Variants in RBFOX1 observed in about 807,000 individuals in gnomAD.
The protein encoded by RBFOX1 is RNA binding protein fox-1 homolog 1.
Under a neutral mutation model 57.7 loss-of-function variants are expected in RBFOX1, and 8 were observed. That is an observed-to-expected ratio of 0.14 (90% CI 0.08 to 0.25). RBFOX1 has a LOEUF of 0.25. RBFOX1 is among the 10% of genes least tolerant of loss of function. RBFOX1 has a pLI of 1.00. For synonymous variants in RBFOX1, 326 were observed against 222.4 expected (o/e 1.47, Z -4.15); for missense variants, 611 against 548.5 (o/e 1.11, Z -1.14).
rs12051074 is a variant in RBFOX1, at chr16:7,472,233, C to T, written c.28-45914C>T. 6.7e-4 allele frequency among the ~76,000 whole-genome samples: 102 copies of T among 151,946 alleles called. No individual in the cohort carries two copies. In the East Asian group the frequency reaches 0.015, roughly 22 times the overall value. On this transcript the variant is annotated intron_variant, in intron 4 of 15. Coordinates refer to ENST00000550418, the MANE Select transcript of RBFOX1 (RefSeq NM_018723.4). ...ATAGACTTAGATGTATGTCATTATT[C>T]TCCTTTAGGATAAAAGGTGGCTAGG...
intron 4 of RBFOX1, among the ~76,000 whole-genome samples, chr16:7,319,812 C>T (rs2096512711): frequency 6.6e-6 from 1 of 152,082 alleles, no homozygotes; most frequent in Non-Finnish European, 1.5e-5. Context: ...CTCAAGTTGC[C>T]ATGAATGATG....
At chr16:6,221,431 T>C (rs1021675112) in intron 1 of RBFOX1, among the ~76,000 whole-genome samples, 1 of 152,230 alleles carries the variant, frequency 6.6e-6, no homozygotes, top group Non-Finnish European at 1.5e-5. Context: ...AGATAACACT[T>C]AGAGAGCCAT....
chr16:7,536,152 G>C (rs1224846646), intron 5 of RBFOX1, among the ~76,000 whole-genome samples: 2 of 152,200 alleles, frequency 1.3e-5, no homozygotes, highest in African/African-American at 2.4e-5. Flanking sequence ...TGTGGATGTG[G>C]ATCTCGTGGA....
At chr16:5,472,151 T>A (rs1412613223) in intron 2 of RBFOX1, among the ~76,000 whole-genome samples, 2 of 152,160 alleles carry the variant, frequency 1.3e-5, no homozygotes, top group African/African-American at 4.8e-5. Context: ...TCTCCCTGCC[T>A]TCTAGCATCA....
At chr16:5,617,118 C>G (rs190827055) in intron 3 of RBFOX1, among the ~76,000 whole-genome samples, 3 of 151,700 alleles carry the variant, frequency 2.0e-5, no homozygotes, top group South Asian at 2.1e-4. Context: ...TCCCTCCGTC[C>G]GTCCCTCCCT....
At chr16:5,650,900 C>T (rs1426472161) in intron 3 of RBFOX1, among the ~76,000 whole-genome samples, 1 of 150,240 alleles carries the variant, frequency 6.7e-6, no homozygotes, top group Non-Finnish European at 1.5e-5. Context: ...TTCCTGTCTC[C>T]TCACTCTCTC....
chr16:5,614,259 T>G (rs563246711), intron 3 of RBFOX1, among the ~76,000 whole-genome samples: 1 of 152,138 alleles, frequency 6.6e-6, no homozygotes, highest in East Asian at 1.9e-4. Context: ...AGAAAACAAA[T>G]TTGCACATGG....
intron 4 of RBFOX1, among the ~76,000 whole-genome samples, chr16:7,409,617 C>T (rs538865786): frequency 3.3e-5 from 5 of 152,292 alleles, no homozygotes; most frequent in African/African-American, 1.2e-4. Flanking sequence ...TTTGGATGGT[C>T]TTAATAAGGA....
chr16:6,798,083 A>G (rs554459141), intron 3 of RBFOX1, among the ~76,000 whole-genome samples: 4 of 152,224 alleles, frequency 2.6e-5, no homozygotes, highest in Non-Finnish European at 5.9e-5. Context: ...AAGACTATAA[A>G]TATATGCCAC....
rs191479592 is a variant in RBFOX1 at position 6,495,471 on chromosome 16, G to A, written c.-63-159132G>A. Among the ~76,000 whole-genome samples the A allele has an allele frequency of 3.0e-4, 46 of 151,494 alleles. 1 individual carries two copies. In the East Asian group the frequency reaches 7.0e-3, roughly 23 times the overall value. ...GATGATGTCCCCACTTTCGTAGATCGGTTGGTCATAACTTGTGGGTTGGCT... is the reference window on the plus strand; with the variant it reads ...GATGATGTCCCCACTTTCGTAGATCAGTTGGTCATAACTTGTGGGTTGGCT... On this transcript the variant is annotated intron_variant, in intron 2 of 15. Coordinates refer to ENST00000550418, the MANE Select transcript of RBFOX1 (RefSeq NM_018723.4).
chr16:5,255,502 A>G (rs1162145653), intron 1 of RBFOX1, among the ~76,000 whole-genome samples: 3 of 151,122 alleles, frequency 2.0e-5, no homozygotes, highest in Non-Finnish European at 2.9e-5. Context: ...CAAACCATCT[A>G]TCCATCTACT....
intron 11 of RBFOX1, among the ~76,000 whole-genome samples, chr16:7,635,506 G>A (rs974774756): frequency 1.3e-5 from 2 of 151,784 alleles, no homozygotes; most frequent in East Asian, 1.9e-4. Flanking sequence ...GTGTGTGGAC[G>A]CCCAGTATCT....
At chr16:6,228,646 C>T (rs951214825) in intron 1 of RBFOX1, among the ~76,000 whole-genome samples, 10 of 152,010 alleles carry the variant, frequency 6.6e-5, no homozygotes, top group African/African-American at 2.2e-4. Context: ...ATGGTGGTTA[C>T]CAAGGGCTGG....
At chr16:5,438,721 T>A (rs781635599) in intron 1 of RBFOX1, among the ~76,000 whole-genome samples, 14 of 152,258 alleles carry the variant, frequency 9.2e-5, no homozygotes, top group Non-Finnish European at 1.6e-4. Context: ...TCCCTGAATG[T>A]CATGCAGTGT....
intron 4 of RBFOX1, among the ~76,000 whole-genome samples, chr16:7,320,198 T>G (rs115858879): frequency 0.045 from 6,899 of 152,166 alleles, 448 homozygotes; most frequent in African/African-American, 0.14. Context: ...AGCCCCATGT[T>G]CATCAGCTAT....
intron 3 of RBFOX1, among the ~76,000 whole-genome samples, chr16:7,003,251 C>G (rs1416690139): frequency 6.6e-6 from 1 of 151,846 alleles, no homozygotes; most frequent in Non-Finnish European, 1.5e-5. Flanking sequence ...ACAAGGTCAG[C>G]AGATCAAGAC....
chr16:6,994,034 C>A (rs935768023), intron 3 of RBFOX1, among the ~76,000 whole-genome samples: 1 of 152,076 alleles, frequency 6.6e-6, no homozygotes, highest in Non-Finnish European at 1.5e-5. Flanking sequence ...TTCCTCAATC[C>A]ACCTCCCCCT....
At position 5,289,298 on chromosome 16, in the gene RBFOX1, C is replaced by A. The variant is rs951129639; in HGVS notation, c.219+49193C>A. On this transcript the variant is annotated intron_variant, in intron 1 of 2. Coordinates refer to the RBFOX1 transcript ENST00000585867. The stretch of plus-strand genomic sequence containing the variant: ...CCAGGCATCATGGGCATGTGGCCTC[C>A]CATGGTCAGCCTCATTCCAGGAGCA... 58 of 423,812 alleles carry A rather than the reference C, an allele frequency of 1.4e-4. 1 individual carries two copies. Among genetic ancestry groups the A allele is most frequent in the African/African-American group, 1.1e-3 (54 of 49,570 alleles). The allele number at this position is 423,812 out of a possible 1,614,324, so 26.3% of individuals were successfully genotyped here. A position where few individuals can be genotyped will look rare whatever the true frequency, so the allele number is the denominator to read the frequency against.
chr16:7,396,041 C>T (rs1385651806), intron 4 of RBFOX1, among the ~76,000 whole-genome samples: 1 of 152,086 alleles, frequency 6.6e-6, no homozygotes, highest in Admixed American at 6.5e-5. Flanking sequence ...CTTTCTGGGA[C>T]ACTGAATTCA....
Sources: allele counts gnomAD v4.1 joint callset (sites outside exome capture counted in the v4.1 genomes callset), GRCh38; gene constraint gnomAD v4.1.1; transcripts MANE v1.5; gene names NCBI Gene and HGNC (gene_info 2026-07-23, HGNC 2026-07-21).